RPP30: variants seen among roughly 807,000 people sequenced by gnomAD.
RPP30 encodes ribonuclease P/MRP subunit p30, also known as ribonuclease P protein subunit p30.
Under a neutral mutation model 38.6 loss-of-function variants are expected in RPP30, and 36 were observed. That is an observed-to-expected ratio of 0.93 (90% CI 0.71 to 1.23). The LOEUF (loss-of-function observed/expected upper bound fraction) is 1.23. RPP30 is among the 50% of genes most tolerant of loss of function. The pLI is 0.00. For missense variants in RPP30, 321 were observed against 321.7 expected, an observed-to-expected ratio of 1.00 and a Z score of 0.02; for synonymous variants, 126 against 112.7, an observed-to-expected ratio of 1.12 and a Z score of -0.75.
intron 6 of RPP30, among the ~76,000 whole-genome samples, chr10:90,894,210 A>T: frequency 6.6e-6 from 1 of 152,330 alleles, no homozygotes; most frequent in East Asian, 1.9e-4. Context: ...TGTAGTAAGG[A>T]TTAAATATTA....
intron 5 of RPP30, among the ~76,000 whole-genome samples, chr10:90,879,447 T>C (rs1338162719): frequency 6.6e-6 from 1 of 152,202 alleles, no homozygotes; most frequent in Non-Finnish European, 1.5e-5. Context: ...TCTTTCTAGC[T>C]CTAAAATCAC....
At chr10:90,897,541 G>T (rs75863037) in intron 10 of RPP30, among the ~76,000 whole-genome samples, 1,525 of 152,242 alleles carry the variant, frequency 0.01, 26 homozygotes, top group African/African-American at 0.035. Flanking sequence ...TTTGAATAAT[G>T]ATTTTCTTGA....
chr10:90,897,316 A>G (rs1847151439), intron 10 of RPP30, among the ~76,000 whole-genome samples: 1 of 152,184 alleles, frequency 6.6e-6, no homozygotes, highest in South Asian at 2.1e-4. Context: ...CTACATATAG[A>G]CTGAGTTATT....
intron 1 of RPP30, among the ~76,000 whole-genome samples, chr10:90,872,631 AG>A (rs2120175434): frequency 6.6e-6 from 1 of 152,340 alleles, no homozygotes; most frequent in East Asian, 1.9e-4. Context: ...TTGAGAGACG[AG>A]AACCTGTTTT....
chr10:90,889,717 T>C (rs777802975), intron 6 of RPP30, among the ~76,000 whole-genome samples: 3 of 152,048 alleles, frequency 2.0e-5, no homozygotes, highest in Non-Finnish European at 4.4e-5. Flanking sequence ...GCTTGGAAGG[T>C]TGGGATTGTG....
At chr10:90,881,392 G>A (rs1031975520) in intron 5 of RPP30, among the ~76,000 whole-genome samples, 24 of 152,088 alleles carry the variant, frequency 1.6e-4, no homozygotes, top group Non-Finnish European at 2.4e-4. Flanking sequence ...TCATATAATA[G>A]TTTTACTTGT....
At chr10:90,879,987 G>A (rs1564711203) in intron 5 of RPP30, 1 of 152,016 alleles carries the variant, frequency 6.6e-6, no homozygotes, top group Non-Finnish European at 1.5e-5. Context: ...TCATTAAAAT[G>A]TCCATCTGCC....
At chr10:90,872,833 T>C (rs1846799858) in intron 1 of RPP30, among the ~76,000 whole-genome samples, 4 of 152,174 alleles carry the variant, frequency 2.6e-5, no homozygotes, top group African/African-American at 9.7e-5. Context: ...CTTGGCAAAG[T>C]GAATCACACC....
In RPP30 at chr10:90,901,471, G is replaced by A. The variant is rs1293575422; in HGVS notation, c.*792G>A. The stretch of plus-strand genomic sequence containing the variant: ...CTATAGAATTTGTGGAAGGAGAGAG[G>A]ATACACATGTAAAATTACATCTGGT... On this transcript the variant is annotated 3_prime_UTR_variant, in exon 11 of 11. Coordinates refer to ENST00000371703, the MANE Select transcript of RPP30 (RefSeq NM_006413.5). The A allele has an allele frequency of 2.0e-6, 2 of 984,648 alleles. No individual in the cohort carries two copies. Among genetic ancestry groups the A allele is most frequent in the African/African-American group, 1.7e-5 (1 of 57,172 alleles). The allele number at this position is 984,648 out of a possible 1,614,324, so 61.0% of individuals were successfully genotyped here. A position where few individuals can be genotyped will look rare whatever the true frequency, so the allele number is the denominator to read the frequency against.
chr10:90,886,267 G>A (rs1846998897), intron 6 of RPP30, among the ~76,000 whole-genome samples: 1 of 152,072 alleles, frequency 6.6e-6, no homozygotes, highest in Non-Finnish European at 1.5e-5. Flanking sequence ...GATCCTTGAG[G>A]CACCAGGAAG....
chr10:90,872,207 C>T (rs1261612342), intron 1 of RPP30, 139 bp downstream of exon 1: 1 of 728,550 alleles, frequency 1.4e-6, no homozygotes, highest in South Asian at 1.6e-5. Flanking sequence ...TGATGCCCGC[C>T]GAGGTGTTGG....
chr10:90,905,658 T>G (rs569966643), downstream of RPP30: 1 of 152,324 alleles, frequency 6.6e-6, no homozygotes, highest in South Asian at 2.1e-4. Context: ...AACATGAAGA[T>G]GCTGAACTTT....
chr10:90,885,751 C>T, intron 5 of RPP30, 61 bp from the exon 6 acceptor site: 1 of 995,944 alleles, frequency 1.0e-6, no homozygotes, highest in Non-Finnish European at 1.6e-6. Flanking sequence ...TTGACCCTAT[C>T]TCCCATTCTT....
downstream of RPP30, chr10:90,905,781 C>A (rs1465544484): frequency 1.3e-5 from 2 of 152,036 alleles, no homozygotes; most frequent in Non-Finnish European, 2.9e-5. Flanking sequence ...GAGGGAGATA[C>A]AATTTGATGC....
chr10:90,881,885 C>T (rs1009641141), intron 5 of RPP30, among the ~76,000 whole-genome samples: 16 of 152,120 alleles, frequency 1.1e-4, no homozygotes, highest in African/African-American at 3.6e-4. Flanking sequence ...CACAGACAGA[C>T]ACATGTTTAT....
chr10:90,872,061 C>T lies in RPP30; in HGVS notation c.75C>T (p.Ala25=), dbSNP rs749365402. ...CTCTGCGCGGACTTGTGGAGACAGCCGCTCACCGTGAGTTGCCCCGGCTTC... is the reference window on the plus strand; with the variant it reads ...CTCTGCGCGGACTTGTGGAGACAGCTGCTCACCGTGAGTTGCCCCGGCTTC... ...LKALRGLVET[A]AHLGYSVVAI... The change falls in exon 1 of 11, where the codon GCC becomes GCT. Residue 25 remains alanine, a synonymous_variant. Transcript: ENST00000371703. The T allele has an allele frequency of 2.5e-6, 4 of 1,613,904 alleles. No individual in the cohort carries two copies. Among genetic ancestry groups the T allele is most frequent in the African/African-American group, 1.3e-5 (1 of 74,904 alleles).
Position 90,874,853 on chromosome 10 carries a change from A to C in RPP30, c.83-16A>C. 2 of 1,585,196 alleles carry C rather than the reference A, an allele frequency of 1.3e-6. No homozygotes were observed. The highest frequency in any genetic ancestry group is 1.7e-6 in the Non-Finnish European group (2 of 1,159,678). On this transcript the variant is annotated splice_polypyrimidine_tract_variant and intron_variant, in intron 1 of 10. Transcript: ENST00000371703. ...GTTGTTATATTTAACAAAAGTGTTC[A>C]ATTTTTCTTTTTCAGTTGGCTATTC...
downstream of RPP30, chr10:90,903,340 A>T (rs900501372): frequency 6.7e-6 from 7 of 1,042,604 alleles, no homozygotes; most frequent in African/African-American, 1.1e-4. Flanking sequence ...TGTATGTTCA[A>T]TTTTTTGCGA....
At position 90,893,062 on chromosome 10, in the gene RPP30, T is replaced by C. The variant is rs552669176; in HGVS notation, c.433-1713T>C. Among the ~76,000 whole-genome samples the C allele has an allele frequency of 9.2e-5, 14 of 152,218 alleles. No homozygotes were observed. The South Asian group carries it at 2.9e-3, about 32-fold the overall frequency. On this transcript the variant is annotated intron_variant, in intron 6 of 10. Coordinates refer to ENST00000371703, the MANE Select transcript of RPP30 (RefSeq NM_006413.5). ...TCAACACAGGTGAAAGAATTAGAGA[T>C]GGGGAAAAGTCAAAAAATGAGAGAG...
Sources: gnomAD v4.1 joint callset for allele counts (sites outside exome capture counted in the v4.1 genomes callset) on GRCh38, gnomAD v4.1.1 for gene constraint, MANE v1.5 for transcripts, NCBI Gene and HGNC (gene_info 2026-07-23, HGNC 2026-07-21) for gene names.